Variants in YPEL2 observed in about 807,000 individuals in gnomAD.
The protein encoded by YPEL2 is protein yippee-like 2.
A neutral mutation model predicts 19.1 loss-of-function variants in YPEL2; 2 were observed. The observed-to-expected ratio is 0.10, with a 90% CI of 0.04 to 0.33. The LOEUF (loss-of-function observed/expected upper bound fraction) is 0.33. Among genes scored for constraint, YPEL2 ranks in the 10% least tolerant of loss-of-function variants. The pLI is 1.00. For synonymous variants in YPEL2, 52 were observed against 50.0 expected (o/e 1.04, Z -0.17); for missense variants, 66 against 140.7 (o/e 0.47, Z 2.68).
intron 2 of YPEL2, among the ~76,000 whole-genome samples, chr17:59,367,925 T>C (rs1309708931): frequency 6.6e-6 from 1 of 152,134 alleles, no homozygotes; most frequent in African/African-American, 2.4e-5. Context: ...AAGCCTTGAA[T>C]GAGGGTCAAG....
intron 2 of YPEL2, among the ~76,000 whole-genome samples, chr17:59,383,083 AT>A (rs2047957988): frequency 6.6e-6 from 1 of 152,212 alleles, no homozygotes; most frequent in Non-Finnish European, 1.5e-5. Context: ...AGATTAGGGA[AT>A]TGCTTACAAT....
intron 2 of YPEL2, among the ~76,000 whole-genome samples, chr17:59,381,951 C>G (rs2047951581): frequency 6.6e-6 from 1 of 152,212 alleles, no homozygotes. Flanking sequence ...ACCACCCTCT[C>G]TCCAGGCCGT....
chr17:59,348,350 A>G (rs1350837684), intron 1 of YPEL2, among the ~76,000 whole-genome samples: 1 of 152,156 alleles, frequency 6.6e-6, no homozygotes, highest in East Asian at 1.9e-4. Flanking sequence ...TTGCTTCCAC[A>G]TCATTCCTCA....
chr17:59,379,265 A>G (rs2147952108), intron 2 of YPEL2, among the ~76,000 whole-genome samples: 1 of 152,214 alleles, frequency 6.6e-6, no homozygotes, highest in East Asian at 1.9e-4. Flanking sequence ...CTTAAACAGG[A>G]TCTAGGGCTG....
intron 2 of YPEL2, chr17:59,362,992 T>C (rs12452950): frequency 0.65 from 98,944 of 152,066 alleles, 33,893 homozygotes; most frequent in African/African-American, 0.87. Flanking sequence ...GAGCCTGTGA[T>C]GTTTAGGAAA....
At chr17:59,352,233 CT>C (rs1308599818) in intron 1 of YPEL2, among the ~76,000 whole-genome samples, 1 of 152,212 alleles carries the variant, frequency 6.6e-6, no homozygotes, top group Admixed American at 6.5e-5. Context: ...AACACCACCC[CT>C]ATTAGTGAAG....
At chr17:59,333,870 G>A (rs2047684874) in intron 1 of YPEL2, among the ~76,000 whole-genome samples, 1 of 152,194 alleles carries the variant, frequency 6.6e-6, no homozygotes, top group Admixed American at 6.5e-5. Context: ...GCAGGTGCTT[G>A]ATAAGAGCCC....
chr17:59,392,732 TC>T (rs1319341434), intron 4 of YPEL2, among the ~76,000 whole-genome samples: 8 of 152,132 alleles, frequency 5.3e-5, no homozygotes, highest in Non-Finnish European at 1.2e-4. Flanking sequence ...CAGGCTGGTC[TC>T]GAACTCCTCA....
intron 1 of YPEL2, among the ~76,000 whole-genome samples, chr17:59,340,747 G>C (rs2047725322): frequency 6.7e-6 from 1 of 149,242 alleles, no homozygotes; most frequent in South Asian, 2.1e-4. Context: ...GCGATGTCTT[G>C]CTCTGTTGCC....
At chr17:59,375,591 C>T (rs1441226424) in intron 2 of YPEL2, among the ~76,000 whole-genome samples, 6 of 152,108 alleles carry the variant, frequency 3.9e-5, no homozygotes, top group South Asian at 2.1e-4. Flanking sequence ...TAATATTATC[C>T]GTTCACTCGA....
In YPEL2 at chr17:59,370,253, C is replaced by CG. The variant is rs2047890167; in HGVS notation, c.117+16731dup. Among the ~76,000 whole-genome samples the CG allele has an allele frequency of 2.6e-5, 4 of 152,058 alleles. No homozygotes were observed. The South Asian group carries it at 8.3e-4, about 31-fold the overall frequency. On this transcript the variant is annotated intron_variant, in intron 2 of 4. Coordinates refer to ENST00000312655, the MANE Select transcript of YPEL2 (RefSeq NM_001005404.4). ...AATTTTTTGTATTTTTTAGTAGAGACGGGGTTTCACTGTGTTAGCCAGGAT... is the reference window on the plus strand; with the variant it reads ...AATTTTTTGTATTTTTTAGTAGAGACGGGGGTTTCACTGTGTTAGCCAGGAT...
At chr17:59,379,305 G>T (rs891661683) in intron 2 of YPEL2, among the ~76,000 whole-genome samples, 6 of 152,140 alleles carry the variant, frequency 3.9e-5, no homozygotes, top group Non-Finnish European at 7.4e-5. Context: ...CTTTGGAATG[G>T]AACCTATAGC....
intron 1 of YPEL2, among the ~76,000 whole-genome samples, chr17:59,347,675 C>T (rs1191778250): frequency 1.3e-5 from 2 of 152,176 alleles, no homozygotes; most frequent in Non-Finnish European, 2.9e-5. Flanking sequence ...GCCTGTGGTT[C>T]CTCCAATATT....
chr17:59,400,421 T>C lies in YPEL2; in HGVS notation c.*3231T>C, dbSNP rs2147964548. 1 of 152,634 alleles carries C rather than the reference T, an allele frequency of 6.6e-6. No individual in the cohort carries two copies. Among genetic ancestry groups the C allele is most frequent in the South Asian group, 2.1e-4 (1 of 4,826 alleles). The allele number at this position is 152,634 out of a possible 1,614,324, so 9.5% of individuals were successfully genotyped here. A position where few individuals can be genotyped will look rare whatever the true frequency, so the allele number is the denominator to read the frequency against. ...CTTTTTATTTTCCTTTTAAATTCTATGGTTTCCTTTGCATTTCTTGAAGTA... is the reference window on the plus strand; with the variant it reads ...CTTTTTATTTTCCTTTTAAATTCTACGGTTTCCTTTGCATTTCTTGAAGTA... On this transcript the variant is annotated 3_prime_UTR_variant, in exon 5 of 5. Coordinates refer to ENST00000312655, the MANE Select transcript of YPEL2 (RefSeq NM_001005404.4).
At chr17:59,375,128 A>G (rs1598044737) in intron 2 of YPEL2, among the ~76,000 whole-genome samples, 1 of 152,164 alleles carries the variant, frequency 6.6e-6, no homozygotes, top group East Asian at 1.9e-4. Flanking sequence ...AAAGTATTCA[A>G]GGAGAGGTTT....
intron 2 of YPEL2, among the ~76,000 whole-genome samples, chr17:59,368,499 T>C (rs1272145001): frequency 6.6e-6 from 1 of 152,202 alleles, no homozygotes; most frequent in Non-Finnish European, 1.5e-5. Flanking sequence ...CCAGATGTTA[T>C]GAGGGTAAAG....
intron 2 of YPEL2, among the ~76,000 whole-genome samples, chr17:59,368,442 A>G (rs558381590): frequency 1.3e-5 from 2 of 152,350 alleles, no homozygotes; most frequent in South Asian, 4.1e-4. Flanking sequence ...ATAAACAGTG[A>G]TAAAATGTAG....
rs147270652 is a variant in YPEL2, at chr17:59,385,120, G to A, written c.118-3207G>A. On this transcript the variant is annotated intron_variant, in intron 2 of 4. Coordinates refer to ENST00000312655, the MANE Select transcript of YPEL2 (RefSeq NM_001005404.4). ...TATTAAAACCAAACCAAAAAGAAAT[G>A]AACTATAATATCCATAGAATAGAGT... 3.7e-3 allele frequency among the ~76,000 whole-genome samples: 560 copies of A among 152,164 alleles called. 4 individuals carry two copies. Among genetic ancestry groups the A allele is most frequent in the African/African-American group, 0.012 (505 of 41,522 alleles).
chr17:59,385,647 T>G (rs936456624), intron 2 of YPEL2, among the ~76,000 whole-genome samples: 3 of 151,982 alleles, frequency 2.0e-5, no homozygotes, highest in Non-Finnish European at 4.4e-5. Flanking sequence ...CTATAAGTGG[T>G]AAGAGGATGA....
Sources: gnomAD v4.1 joint callset for allele counts (sites outside exome capture counted in the v4.1 genomes callset) on GRCh38, gnomAD v4.1.1 for gene constraint, MANE v1.5 for transcripts, NCBI Gene and HGNC (gene_info 2026-07-23, HGNC 2026-07-21) for gene names.